Variants in F13B observed in about 807,000 individuals in gnomAD.
The protein encoded by F13B is TGase.
Under a neutral mutation model 79.8 loss-of-function variants are expected in F13B, and 58 were observed. The ratio of observed to expected loss-of-function variants is 0.73; its 90% CI spans 0.59 to 0.90. The LOEUF is 0.90. Ranked by LOEUF, F13B falls within the 40% of genes least tolerant of loss-of-function variation. The pLI is 0.00. For missense variants in F13B, 773 were observed against 777.0 expected (o/e 0.99, Z 0.06); for synonymous variants, 283 against 260.3 (o/e 1.09, Z -0.84).
chr1:197,047,845 A>G (rs577640389), intron 10 of F13B, among the ~76,000 whole-genome samples: 2 of 152,300 alleles, frequency 1.3e-5, no homozygotes, highest in African/African-American at 2.4e-5. Flanking sequence ...TTGCAGGGAC[A>G]TGGATGAAGC....
intron 5 of F13B, among the ~76,000 whole-genome samples, chr1:197,059,982 G>A (rs1485734448): frequency 1.3e-5 from 2 of 151,906 alleles, no homozygotes; most frequent in Admixed American, 6.6e-5. Context: ...TCACTATTTT[G>A]GAGATTAATT....
intron 8 of F13B, among the ~76,000 whole-genome samples, chr1:197,054,596 A>G (rs1333742542): frequency 6.6e-6 from 1 of 151,880 alleles, no homozygotes; most frequent in Non-Finnish European, 1.5e-5. Context: ...TTATATATAG[A>G]TTTATAAGTA....
At chr1:197,042,590 G>A (rs532531224) in intron 10 of F13B, among the ~76,000 whole-genome samples, 29 of 150,476 alleles carry the variant, frequency 1.9e-4, no homozygotes, top group African/African-American at 5.6e-4. Flanking sequence ...AGGCCAAGGC[G>A]GGCGGATCAT....
At chr1:197,061,172 G>C in intron 3 of F13B, 97 bp from the exon 4 acceptor site, 1 of 689,198 alleles carries the variant, frequency 1.5e-6, no homozygotes, top group Non-Finnish European at 2.2e-6. Context: ...AGAATACATG[G>C]TAAAATCAAC....
At chr1:197,048,628 A>G (rs1392718800) in intron 10 of F13B, among the ~76,000 whole-genome samples, 2 of 152,204 alleles carry the variant, frequency 1.3e-5, no homozygotes, top group African/African-American at 4.8e-5. Context: ...ATCAAAATAC[A>G]AAAGCAAAAA....
At chr1:197,065,604 C>T (rs1283209794) in intron 1 of F13B, among the ~76,000 whole-genome samples, 1 of 152,110 alleles carries the variant, frequency 6.6e-6, no homozygotes, top group Non-Finnish European at 1.5e-5. Flanking sequence ...TCAAAACTGC[C>T]ATTCTGCAAA....
chr1:197,060,788 G>A (rs764895500), intron 4 of F13B, 111 bp downstream of exon 4: 35 of 1,040,424 alleles, frequency 3.4e-5, no homozygotes, highest in African/African-American at 1.3e-4. Flanking sequence ...AAAAATAAAG[G>A]CAAAAATGCA....
At chr1:197,046,980 A>G (rs1389865637) in intron 10 of F13B, among the ~76,000 whole-genome samples, 3 of 152,026 alleles carry the variant, frequency 2.0e-5, no homozygotes, top group African/African-American at 7.2e-5. Flanking sequence ...AAACTGGATC[A>G]CTTCCTTATA....
intron 1 of F13B, among the ~76,000 whole-genome samples, chr1:197,065,208 G>A (rs1656003944): frequency 6.6e-6 from 1 of 152,268 alleles, no homozygotes; most frequent in East Asian, 1.9e-4. Flanking sequence ...GGGCAGCAAA[G>A]TATTCTCTGC....
chr1:197,040,499 A>C, intron 11 of F13B, 23 bp downstream of exon 11: 1 of 1,493,424 alleles, frequency 6.7e-7, no homozygotes, highest in Non-Finnish European at 9.3e-7. Flanking sequence ...AAATAATCTG[A>C]CCAAAAAAAA....
chr1:197,043,177 A>G (rs1655104788), intron 10 of F13B, among the ~76,000 whole-genome samples: 1 of 152,188 alleles, frequency 6.6e-6, no homozygotes, highest in Non-Finnish European at 1.5e-5. Context: ...TCCCAGTAAT[A>G]TCAGAGACAG....
intron 8 of F13B, 36 bp from the exon 9 acceptor site, chr1:197,052,870 G>C: frequency 6.6e-7 from 1 of 1,510,698 alleles, no homozygotes. Flanking sequence ...TTCTTTACTT[G>C]TCTGACAAAT....
At chr1:197,059,517 T>A (rs1345586962) in intron 5 of F13B, among the ~76,000 whole-genome samples, 1 of 151,956 alleles carries the variant, frequency 6.6e-6, no homozygotes, top group Non-Finnish European at 1.5e-5. Flanking sequence ...TTACAGAAAA[T>A]AAAAAATGAC....
At chr1:197,041,093 T>G (rs1655021784) in intron 10 of F13B, among the ~76,000 whole-genome samples, 1 of 152,194 alleles carries the variant, frequency 6.6e-6, no homozygotes, top group African/African-American at 2.4e-5. Context: ...ATTGATATCA[T>G]GCTCTTTTCC....
chr1:197,059,126 G>A (rs1264059380), intron 5 of F13B, among the ~76,000 whole-genome samples: 2 of 152,100 alleles, frequency 1.3e-5, no homozygotes, highest in African/African-American at 4.8e-5. Flanking sequence ...TGAGGCAGGA[G>A]AATCACTTGA....
At chr1:197,044,346 G>A (rs898252070) in intron 10 of F13B, among the ~76,000 whole-genome samples, 1 of 152,104 alleles carries the variant, frequency 6.6e-6, no homozygotes, top group African/African-American at 2.4e-5. Flanking sequence ...TTGCTGAGCA[G>A]GGGTTACAAT....
intron 8 of F13B, 53 bp from the exon 9 acceptor site, chr1:197,052,887 G>C: frequency 6.9e-7 from 1 of 1,447,250 alleles, no homozygotes; most frequent in Non-Finnish European, 9.6e-7. Flanking sequence ...AAATATAAAA[G>C]TGATATTTTT....
intron 8 of F13B, among the ~76,000 whole-genome samples, chr1:197,054,301 T>A (rs1401302965): frequency 6.6e-6 from 1 of 152,100 alleles, no homozygotes; most frequent in Non-Finnish European, 1.5e-5. Context: ...TAGAGATTAC[T>A]ATATCTCCAC....
intron 4 of F13B, 55 bp downstream of exon 4, chr1:197,060,844 C>G: frequency 1.3e-6 from 2 of 1,508,096 alleles, no homozygotes; most frequent in Non-Finnish European, 1.8e-6. Context: ...ATACACTTCT[C>G]TATGAGAAAA....
Sources: allele counts gnomAD v4.1 joint callset (sites outside exome capture counted in the v4.1 genomes callset), GRCh38; gene constraint gnomAD v4.1.1; transcripts MANE v1.5; gene names NCBI Gene and HGNC (gene_info 2026-07-23, HGNC 2026-07-21).